The following HUWE1 variants were observed in gnomAD, a reference collection of about 807,000 sequenced individuals.
The protein encoded by HUWE1 is HECT, UBA and WWE domain containing E3 ubiquitin protein ligase 1, also known as E3 ubiquitin-protein ligase HUWE1.
In HUWE1, 18 loss-of-function variants were observed where a neutral mutation model predicts 299.4. The ratio of observed to expected loss-of-function variants is 0.06; its 90% confidence interval spans 0.04 to 0.09. The LOEUF is 0.09. Ranked by LOEUF, HUWE1 falls within the 10% of genes least tolerant of loss-of-function variation. The pLI is 1.00. For missense variants in HUWE1, 1,832 were observed against 3,462.3 expected, an observed-to-expected ratio of 0.53 and a Z score of 11.82; for synonymous variants, 1,317 against 1,286.1, an observed-to-expected ratio of 1.02 and a Z score of -0.51.
At chrX:53,559,294 T>A (rs1427069697) in intron 57 of HUWE1, 60 bp downstream of exon 57, 2 of 1,136,265 alleles carry the variant, frequency 1.8e-6, no homozygotes, top group Non-Finnish European at 2.4e-6. Context: ...TTGCTTTTCC[T>A]CAGCAGGGAA....
intron 72 of HUWE1, 38 bp downstream of exon 72, chrX:53,544,522 C>T (rs1556921076): frequency 8.9e-7 from 1 of 1,126,720 alleles, no homozygotes. Context: ...TTTACCGCCA[C>T]CAACCCTTCC....
At chrX:53,668,384 G>T (rs1463740328) in intron 3 of HUWE1, among the ~76,000 whole-genome samples, 1 of 106,482 alleles carries the variant, frequency 9.4e-6, no homozygotes, top group Non-Finnish European at 1.9e-5. Context: ...GGAGGTTGCA[G>T]TGAGTCGAGA....
At chrX:53,654,433 A>G (rs1243572989) in intron 3 of HUWE1, among the ~76,000 whole-genome samples, 1 of 111,881 alleles carries the variant, frequency 8.9e-6, no homozygotes, top group Non-Finnish European at 1.9e-5. Flanking sequence ...AAGAGTGTAC[A>G]ATGTTTGCAA....
chrX:53,535,856 C>T (rs1415166494), intron 80 of HUWE1: 1 of 375,128 alleles, frequency 2.7e-6, no homozygotes, highest in Non-Finnish European at 4.6e-6. Context: ...TCATTTTCCC[C>T]CCACTTACAT....
chrX:53,632,595 A>C (rs2066946297), intron 8 of HUWE1, 31 bp from the exon 9 acceptor site: 1 of 1,026,368 alleles, frequency 9.7e-7, no homozygotes. Context: ...AGAATCAGAC[A>C]TTGAGTTTCA....
chrX:53,649,936 A>G (rs1419576884), intron 4 of HUWE1, among the ~76,000 whole-genome samples: 1 of 112,164 alleles, frequency 8.9e-6, no homozygotes, highest in African/African-American at 3.2e-5. Context: ...TGAATGTAGA[A>G]TAGCTGGTGG....
At chrX:53,592,050 G>A (rs1445445629) in intron 33 of HUWE1, among the ~76,000 whole-genome samples, 1 of 111,888 alleles carries the variant, frequency 8.9e-6, no homozygotes, top group Non-Finnish European at 1.9e-5. Flanking sequence ...GGTGACTAAG[G>A]TTTCAGAAAG....
intron 37 of HUWE1, among the ~76,000 whole-genome samples, chrX:53,587,586 T>TG (rs1311169977): frequency 8.9e-6 from 1 of 112,102 alleles, no homozygotes; most frequent in Non-Finnish European, 1.9e-5. Context: ...TTGTTTTAGA[T>TG]GGGGGTCCAT....
chrX:53,537,040 TAC>T (rs2061095183), intron 78 of HUWE1, among the ~76,000 whole-genome samples: 1 of 112,034 alleles, frequency 8.9e-6, no homozygotes, highest in Admixed American at 9.4e-5. Flanking sequence ...GAACATGGCA[TAC>T]AGTCTGTCTA....
At chrX:53,640,946 T>A (rs782819138) in intron 7 of HUWE1, among the ~76,000 whole-genome samples, 2 of 112,202 alleles carry the variant, frequency 1.8e-5, no homozygotes, top group Non-Finnish European at 3.8e-5. Context: ...AGTAGGGTGA[T>A]GTGAATTCTG....
At chrX:53,542,921 G>A (rs1483724843) in intron 73 of HUWE1, 6 of 145,035 alleles carry the variant, frequency 4.1e-5, no homozygotes, top group African/African-American at 2.0e-4. Context: ...TGGAAGGTAG[G>A]TCTGCTCTTT....
rs960565320 is a variant in HUWE1 at position 53,593,287 on chromosome X, C to T, written c.3741+77G>A. Reference sequence around the variant, plus strand: ...TGGTTCTTAAATAAGCATGTTATTTCATTAAGCAGGACAAAATAGAGTGGG... The same window carrying T: ...TGGTTCTTAAATAAGCATGTTATTTTATTAAGCAGGACAAAATAGAGTGGG... On this transcript the variant is annotated intron_variant, in intron 32 of 83. Transcript: ENST00000262854. The T allele has an allele frequency of 1.1e-5, 8 of 740,245 alleles. No individual in the cohort carries two copies. The African/African-American group carries it at 1.7e-4, about 15-fold the overall frequency. 61.0% of individuals were successfully genotyped at this position (740,245 alleles called of 1,213,427 possible). A position where few individuals can be genotyped will look rare whatever the true frequency, so the allele number is the denominator to read the frequency against.
chrX:53,602,937 C>T (rs911601465), intron 27 of HUWE1, among the ~76,000 whole-genome samples: 2 of 108,033 alleles, frequency 1.9e-5, no homozygotes, highest in Non-Finnish European at 3.9e-5. Context: ...CTGCAACCTC[C>T]ACCTCCGGGG....
intron 26 of HUWE1, among the ~76,000 whole-genome samples, chrX:53,603,953 T>C (rs1457969075): frequency 8.9e-6 from 1 of 112,260 alleles, no homozygotes; most frequent in Non-Finnish European, 1.9e-5. Context: ...CTAAGCTTTG[T>C]TAAGTAATTT....
At chrX:53,609,276 C>T in intron 23 of HUWE1, among the ~76,000 whole-genome samples, 1 of 112,058 alleles carries the variant, frequency 8.9e-6, no homozygotes, top group East Asian at 2.8e-4. Flanking sequence ...AGAAGCTATC[C>T]TATCTTTGGC....
intron 40 of HUWE1, 81 bp downstream of exon 40, chrX:53,584,931 T>C (rs1213479379): frequency 2.2e-5 from 23 of 1,043,629 alleles, no homozygotes; most frequent in East Asian, 3.0e-5. Context: ...ATGTGTGGTG[T>C]TGGGCTGCAT....
chrX:53,584,963 T>C (rs181165271), intron 40 of HUWE1, 49 bp downstream of exon 40: 1 of 1,180,890 alleles, frequency 8.5e-7, no homozygotes, highest in Non-Finnish European at 1.2e-6. Context: ...CTGAGCCATA[T>C]GTGGCCTGTG....
intron 3 of HUWE1, among the ~76,000 whole-genome samples, chrX:53,664,248 C>T (rs1384370542): frequency 4.5e-5 from 5 of 111,289 alleles, no homozygotes; most frequent in Middle Eastern, 4.6e-3. Context: ...ACAGGGTTTT[C>T]GCCATGTTGT....
chrX:53,653,146 A>AAAAC (rs781976141), intron 4 of HUWE1, among the ~76,000 whole-genome samples: 6 of 112,222 alleles, frequency 5.3e-5, no homozygotes, highest in East Asian at 2.8e-4. Flanking sequence ...ACCCTGTCTC[A>AAAAC]AAACAAACAA....
Sources: gnomAD v4.1 joint callset for allele counts (sites outside exome capture counted in the v4.1 genomes callset) on GRCh38, gnomAD v4.1.1 for gene constraint, MANE v1.5 for transcripts, NCBI Gene and HGNC (gene_info 2026-07-23, HGNC 2026-07-21) for gene names.